Variants in ENDOG observed in about 807,000 individuals in gnomAD.
ENDOG encodes the protein endonuclease G, mitochondrial.
Under a neutral mutation model 22.6 loss-of-function variants are expected in ENDOG, and 22 were observed. The observed-to-expected ratio is 0.97, with a 90% confidence interval of 0.70 to 1.39. ENDOG has a LOEUF of 1.39. Ranked by LOEUF, ENDOG falls within the 40% of genes most tolerant of loss-of-function variation. ENDOG has a pLI of 0.00. For synonymous variants in ENDOG, 173 were observed against 200.2 expected, an observed-to-expected ratio of 0.86 and a Z score of 1.15; for missense variants, 403 against 431.3, an observed-to-expected ratio of 0.93 and a Z score of 0.58.
intron 2 of ENDOG, chr9:128,821,419 T>TCCCGCCTTCCC (rs1382928371): frequency 2.5e-5 from 4 of 159,730 alleles, no homozygotes; most frequent in Admixed American, 6.5e-5. Flanking sequence ...CACCGAGCTC[T>TCCCGCCTTCCC]CATGCCTTCC....
chr9:128,819,951 TAAA>T (rs1830075177), intron 1 of ENDOG: 1 of 152,246 alleles, frequency 6.6e-6, no homozygotes, highest in African/African-American at 2.4e-5. Context: ...GGGGTGGCTG[TAAA>T]TACAGATGAA....
At position 128,822,629 on chromosome 9, in the gene ENDOG, CTG is replaced by C; in HGVS notation, c.*22_*23del. ...TAAGTGAGGGTGGAGCCCAGTGAGACTGTGGGTGTGTGCAGGCCGGGGAGTAT... is the reference window on the plus strand; with the variant it reads ...TAAGTGAGGGTGGAGCCCAGTGAGACTGGGTGTGTGCAGGCCGGGGAGTAT... On this transcript the variant is annotated 3_prime_UTR_variant, in exon 3 of 3. Coordinates refer to ENST00000372642, the MANE Select transcript of ENDOG (RefSeq NM_004435.2). The C allele has an allele frequency of 1.9e-6, 3 of 1,563,160 alleles. No homozygotes were observed. Among genetic ancestry groups the C allele is most frequent in the East Asian group, 2.3e-5 (1 of 42,594 alleles).
chr9:128,821,106 G>A (rs966751366), intron 2 of ENDOG: 1 of 531,990 alleles, frequency 1.9e-6, no homozygotes, highest in South Asian at 2.2e-5. Flanking sequence ...GCTTCTCCCT[G>A]CTGTCACCTC....
chr9:128,818,768 G>A lies in ENDOG; in HGVS notation c.84G>A (p.Glu28=). 8.4e-7 allele frequency: 1 copy of A among 1,183,876 alleles called. No individual in the cohort carries two copies. Among genetic ancestry groups the A allele is most frequent in the Non-Finnish European group, 1.0e-6 (1 of 957,856 alleles). The allele number at this position is 1,183,876 out of a possible 1,614,324, so 73.3% of individuals were successfully genotyped here. Residue 28 remains glutamate, a synonymous_variant, in exon 1 of 3, where the codon GAG becomes GAA. Transcript: ENST00000372642. ...TCGAGGGCTGGCGGCGGCGGCGGGAGGACGCGCGGGCGGCGCCGGGACTGC... is the reference window on the plus strand; with the variant it reads ...TCGAGGGCTGGCGGCGGCGGCGGGAAGACGCGCGGGCGGCGCCGGGACTGC... ...AVVEGWRRRR[E]DARAAPGLLG...
rs1227120228 is a variant in ENDOG, at chr9:128,822,511, G to A, written c.795G>A (p.Val265=). 1.9e-6 allele frequency: 3 copies of A among 1,561,048 alleles called. No homozygotes were observed. Among genetic ancestry groups the A allele is most frequent in the East Asian group, 2.4e-5 (1 of 41,904 alleles). Residue 265 remains valine, a synonymous_variant, in exon 3 of 3, where the codon GTG becomes GTA. Transcript: ENST00000372642. The stretch of plus-strand genomic sequence containing the variant: ...CCATCCCACTGGAGCGCTTCCTGGT[G>A]CCCATCGAGAGCATTGAGCGGGCTT... ...DEAIPLERFL[V]PIESIERASG...
chr9:128,820,296 A>C (rs938126509), intron 1 of ENDOG: 7 of 158,190 alleles, frequency 4.4e-5, no homozygotes, highest in Admixed American at 4.3e-4. Flanking sequence ...CCCCCTATCC[A>C]CTTTCCATTG....
intron 2 of ENDOG, chr9:128,821,505 C>A (rs1258312432): frequency 6.5e-6 from 1 of 154,788 alleles, no homozygotes; most frequent in Non-Finnish European, 1.4e-5. Flanking sequence ...CTCCACCCTT[C>A]TCGGGAGTTT....
intron 1 of ENDOG, 99 bp downstream of exon 1, chr9:128,819,284 C>A (rs1408118743): frequency 7.3e-7 from 1 of 1,364,808 alleles, no homozygotes; most frequent in Non-Finnish European, 9.4e-7. Flanking sequence ...AGCTGCCCAA[C>A]GCGCCCCCGG....
At position 128,818,540 on chromosome 9, in the gene ENDOG, G is replaced by T; in HGVS notation, c.-145G>T. 2 of 949,568 alleles carry T rather than the reference G, an allele frequency of 2.1e-6. No homozygotes were observed. Among genetic ancestry groups the T allele is most frequent in the East Asian group, 7.1e-5 (1 of 14,012 alleles). The allele number at this position is 949,568 out of a possible 1,614,324, so 58.8% of individuals were successfully genotyped here. On this transcript the variant is annotated 5_prime_UTR_variant, in exon 1 of 3. Coordinates refer to ENST00000372642, the MANE Select transcript of ENDOG (RefSeq NM_004435.2). ...CTGCTGCTCCCTTCTGGGTTCCGAGGCCCAAGCCCTTGGCAGTGTTTGTGA... is the reference window on the plus strand; with the variant it reads ...CTGCTGCTCCCTTCTGGGTTCCGAGTCCCAAGCCCTTGGCAGTGTTTGTGA...
At position 128,819,029 on chromosome 9, in the gene ENDOG, C is replaced by T. The variant is rs980940546; in HGVS notation, c.345C>T (p.Phe115=). The T allele has an allele frequency of 8.7e-6, 13 of 1,494,814 alleles. No homozygotes were observed. In the Admixed American group the frequency reaches 1.3e-4, roughly 15 times the overall value. The allele number at this position is 1,494,814 out of a possible 1,614,324, so 92.6% of individuals were successfully genotyped here. A position where few individuals can be genotyped will look rare whatever the true frequency, so the allele number is the denominator to read the frequency against. Residue 115 remains phenylalanine (F), a synonymous_variant, in exon 1 of 3, where the codon TTC becomes TTT. Transcript: ENST00000372642. ...ACGGCGACCGGCGCGAGTGCGACTT[C>T]CGCGAGGACGACTCGGTGCACGCGT... ...RGDGDRRECD[F]REDDSVHAYH...
rs1430880138 is a variant in ENDOG, at chr9:128,818,783, G to T, written c.99G>T (p.Ala33=). 9.2e-6 allele frequency: 11 copies of T among 1,197,676 alleles called. No individual in the cohort carries two copies. The highest frequency in any genetic ancestry group is 1.1e-5 in the Non-Finnish European group (11 of 966,928). The allele number at this position is 1,197,676 out of a possible 1,614,324, so 74.2% of individuals were successfully genotyped here. The change falls in exon 1 of 3, where the codon GCG becomes GCT. Residue 33 remains alanine (A), a synonymous_variant. Coordinates refer to ENST00000372642, the MANE Select transcript of ENDOG (RefSeq NM_004435.2). ...GGCGGCGGGAGGACGCGCGGGCGGC[G>T]CCGGGACTGCTGGGCCGGCTGCCCG... ...WRRRREDARA[A]PGLLGRLPVL...
intron 2 of ENDOG, 99 bp downstream of exon 2, chr9:128,820,947 C>A: frequency 9.6e-7 from 1 of 1,044,868 alleles, no homozygotes; most frequent in South Asian, 1.4e-5. Context: ...GGGTCAATAC[C>A]AGTTCCCTAC....
intron 2 of ENDOG, chr9:128,821,387 T>C (rs1010077702): frequency 1.8e-5 from 3 of 168,706 alleles, no homozygotes; most frequent in Non-Finnish European, 3.8e-5. Flanking sequence ...CTCTCCCGCC[T>C]TCCCCATGCA....
rs933860038 is a variant in ENDOG, at chr9:128,822,380, C to T, written c.664C>T (p.His222Tyr). 6.2e-7 allele frequency: 1 copy of T among 1,613,742 alleles called. No homozygotes were observed. Residue 222 changes from histidine (H) to tyrosine (Y), a missense_variant, in exon 3 of 3, where the codon CAC becomes TAC. Transcript: ENST00000372642. ...YVKYQVIGKN[H>Y]VAVPTHFFKV... is the part of the protein sequence containing the mutation. The stretch of plus-strand genomic sequence containing the variant: ...AAAGTACCAGGTCATCGGCAAGAAC[C>T]ACGTGGCAGTGCCCACACACTTCTT...
chr9:128,822,279 T>G, intron 2 of ENDOG, 49 bp from the exon 3 acceptor site: 3 of 1,587,058 alleles, frequency 1.9e-6, no homozygotes, highest in Non-Finnish European at 2.6e-6. Context: ...AGAGGTGGCT[T>G]TGGGTTCATC....
chr9:128,819,497 G>A (rs1417628565), intron 1 of ENDOG, among the ~76,000 whole-genome samples: 4 of 152,244 alleles, frequency 2.6e-5, no homozygotes, highest in Non-Finnish European at 5.9e-5. Flanking sequence ...GCTCACAGAG[G>A]CAAAGTGACG....
At chr9:128,820,522 TG>T (rs1830089133) in intron 1 of ENDOG, 1 of 556,926 alleles carries the variant, frequency 1.8e-6, no homozygotes, top group African/African-American at 1.9e-5. Flanking sequence ...GAAAAGACTT[TG>T]ACACCTGGGC....
rs1174957179 is a variant in ENDOG, at chr9:128,818,681, G to C, written c.-4G>C. 5.1e-6 allele frequency: 6 copies of C among 1,165,516 alleles called. No individual in the cohort carries two copies. The highest frequency in any genetic ancestry group is 3.5e-4 in the Middle Eastern group (1 of 2,864). 72.2% of individuals were successfully genotyped at this position (1,165,516 alleles called of 1,614,324 possible). A position where few individuals can be genotyped will look rare whatever the true frequency, so the allele number is the denominator to read the frequency against. Reference sequence around the variant, plus strand: ...GTCGCCCGCCGCTAGGTCGCTCCCCGGCCATGCGGGCGCTGCGGGCCGGCC... The same window carrying C: ...GTCGCCCGCCGCTAGGTCGCTCCCCCGCCATGCGGGCGCTGCGGGCCGGCC... On this transcript the variant is annotated 5_prime_UTR_variant, in exon 1 of 3. Transcript: ENST00000372642.
rs773183767 is a variant in ENDOG, at chr9:128,820,813, C to T, written c.576C>T (p.Asn192=). The stretch of plus-strand genomic sequence containing the variant: ...GCAGCTTGACCCGCAGCTACCAAAA[C>T]GTCTATGTCTGCACAGGGCCACTCT... ...YSRSLTRSYQ[N]VYVCTGPLFL... The change falls in exon 2 of 3, where the codon AAC becomes AAT. Residue 192 remains asparagine, a synonymous_variant. Coordinates refer to ENST00000372642, the MANE Select transcript of ENDOG (RefSeq NM_004435.2). The T allele has an allele frequency of 1.0e-4, 164 of 1,612,002 alleles. No homozygotes were observed. The highest frequency in any genetic ancestry group is 1.3e-4 in the Non-Finnish European group (148 of 1,179,140).
Sources: allele counts gnomAD v4.1 joint callset (sites outside exome capture counted in the v4.1 genomes callset), GRCh38; gene constraint gnomAD v4.1.1; transcripts MANE v1.5; gene names NCBI Gene and HGNC (gene_info 2026-07-23, HGNC 2026-07-21).